Variants in CAST observed in about 807,000 individuals in gnomAD.
CAST encodes the protein MIR583 host.
In CAST, 76 loss-of-function variants were observed where a neutral mutation model predicts 119.6. The observed-to-expected ratio is 0.64, with a 90% confidence interval of 0.53 to 0.77. CAST has a LOEUF of 0.77. CAST is among the 30% of genes least tolerant of loss of function. The pLI is 0.00. For missense variants in CAST, 953 were observed against 946.5 expected (o/e 1.01, Z -0.09); for synonymous variants, 319 against 331.6 (o/e 0.96, Z 0.41).
chr5:96,461,145 T>G, the CAST span, among the ~76,000 whole-genome samples: 1 of 152,158 alleles, frequency 6.6e-6, no homozygotes, highest in Non-Finnish European at 1.5e-5. Context: ...TTCTTTCACT[T>G]AATGCAATGC....
the CAST span, among the ~76,000 whole-genome samples, chr5:96,373,652 A>G: frequency 1.3e-5 from 2 of 152,206 alleles, no homozygotes; most frequent in East Asian, 3.8e-4. Context: ...ATCTAACAAT[A>G]GAATCGTAAT....
At chr5:96,457,832 A>G in the CAST span, among the ~76,000 whole-genome samples, 472 of 152,334 alleles carry the variant, frequency 3.1e-3, 3 homozygotes, top group East Asian at 0.052. Context: ...CCAAGGCCAC[A>G]TAGGAAGACA....
At chr5:95,997,967 T>C in the CAST span, among the ~76,000 whole-genome samples, 56 of 131,960 alleles carry the variant, frequency 4.2e-4, no homozygotes, top group East Asian at 2.9e-3. Context: ...GAGAGGGTTT[T>C]TTTTTTTTTT....
At chr5:95,983,809 T>C in the CAST span, among the ~76,000 whole-genome samples, 1 of 152,174 alleles carries the variant, frequency 6.6e-6, no homozygotes, top group Non-Finnish European at 1.5e-5. Flanking sequence ...ACATTTTCTT[T>C]TCAGACTTCT....
chr5:95,977,848 T>A, the CAST span, among the ~76,000 whole-genome samples: 1 of 152,166 alleles, frequency 6.6e-6, no homozygotes, highest in East Asian at 1.9e-4. Context: ...TTCCCCTCTA[T>A]GTGTCCATGT....
intron 1 of CAST, among the ~76,000 whole-genome samples, chr5:96,640,842 G>A (rs1310198501): frequency 6.6e-6 from 1 of 152,174 alleles, no homozygotes; most frequent in African/African-American, 2.4e-5. Flanking sequence ...ATCCCCAAAG[G>A]GGGCAGACCT....
the CAST span, among the ~76,000 whole-genome samples, chr5:96,435,023 A>C: frequency 0.2 from 30,830 of 152,164 alleles, 3,506 homozygotes; most frequent in East Asian, 0.3. Flanking sequence ...ATGGCTGGGT[A>C]AGCTGTCTTC....
the CAST span, among the ~76,000 whole-genome samples, chr5:96,402,967 T>G: frequency 5.9e-5 from 9 of 152,096 alleles, no homozygotes; most frequent in African/African-American, 2.2e-4. Context: ...AAAAGGAGTT[T>G]TAGGTAAAAG....
At chr5:96,299,677 C>A in the CAST span, among the ~76,000 whole-genome samples, 2 of 152,136 alleles carry the variant, frequency 1.3e-5, no homozygotes, top group African/African-American at 4.8e-5. Flanking sequence ...TCAGCATTCA[C>A]GTATACATCC....
chr5:96,437,018 G>A, the CAST span, among the ~76,000 whole-genome samples: 4 of 152,202 alleles, frequency 2.6e-5, no homozygotes, highest in Non-Finnish European at 5.9e-5. Flanking sequence ...TGGTGGACAC[G>A]ACTTGGTTGA....
At chr5:96,154,606 G>T in the CAST span, among the ~76,000 whole-genome samples, 1 of 152,142 alleles carries the variant, frequency 6.6e-6, no homozygotes, top group African/African-American at 2.4e-5. Context: ...ATCCATCCAG[G>T]ATACCCCATT....
At chr5:96,624,042 G>A (rs1408153749) in intron 1 of CAST, among the ~76,000 whole-genome samples, 4 of 152,090 alleles carry the variant, frequency 2.6e-5, no homozygotes, top group African/African-American at 4.8e-5. Flanking sequence ...TGTTATTTTG[G>A]CCAGATCTAA....
intron 13 of CAST, 69 bp downstream of exon 13, chr5:96,740,852 A>C: frequency 1.0e-6 from 1 of 956,688 alleles, no homozygotes; most frequent in Non-Finnish European, 1.7e-6. Context: ...GAACAGGGCT[A>C]TCAATTCTAT....
At chr5:96,482,836 G>A in the CAST span, among the ~76,000 whole-genome samples, 4 of 152,214 alleles carry the variant, frequency 2.6e-5, no homozygotes, top group South Asian at 8.3e-4. Flanking sequence ...GAAAAATGGA[G>A]CCCATGACGG....
intron 1 of CAST, chr5:96,585,139 A>T (rs909051132): frequency 6.6e-6 from 1 of 151,988 alleles, no homozygotes; most frequent in Admixed American, 6.6e-5. Flanking sequence ...GGAAGAAACT[A>T]TTTTTTTTAC....
intron 2 of CAST, among the ~76,000 whole-genome samples, chr5:96,695,587 GT>G (rs1489278362): frequency 1.3e-5 from 2 of 152,248 alleles, no homozygotes; most frequent in Admixed American, 6.5e-5. Context: ...GCCTCAGTGA[GT>G]TTTGCAGTTC....
chr5:96,720,043 C>T (rs115055181), intron 3 of CAST, among the ~76,000 whole-genome samples: 76 of 152,280 alleles, frequency 5.0e-4, no homozygotes, highest in Non-Finnish European at 9.0e-4. Context: ...TCTACTAATG[C>T]CATCTTTGAC....
chr5:96,359,762 A>G, the CAST span, among the ~76,000 whole-genome samples: 27 of 152,132 alleles, frequency 1.8e-4, 1 homozygote, highest in African/African-American at 6.3e-4. Context: ...GTCTGCCCTT[A>G]ACATTTTTTC....
At chr5:96,646,029 C>T (rs952668627) in intron 1 of CAST, among the ~76,000 whole-genome samples, 3 of 152,092 alleles carry the variant, frequency 2.0e-5, no homozygotes, top group East Asian at 1.9e-4. Flanking sequence ...TGAAAAGATG[C>T]TCTAACCTGA....
Sources: allele counts gnomAD v4.1 joint callset (sites outside exome capture counted in the v4.1 genomes callset), GRCh38; gene constraint gnomAD v4.1.1; transcripts MANE v1.5; gene names NCBI Gene and HGNC (gene_info 2026-07-23, HGNC 2026-07-21).